Variants in KCNQ3 observed in about 807,000 individuals in gnomAD.
KCNQ3 encodes the protein potassium voltage-gated channel subfamily Q member 3.
KCNQ3 carries 30 observed loss-of-function variants against 92.5 expected under a neutral mutation model. The observed-to-expected ratio is 0.32, with a 90% CI of 0.24 to 0.44. The LOEUF (loss-of-function observed/expected upper bound fraction) is 0.44. KCNQ3 is among the 20% of genes least tolerant of loss of function. The probability of loss-of-function intolerance (pLI) is 1.00; values close to 1 mark genes in which losing one functional copy is unlikely to be tolerated. For synonymous variants in KCNQ3, 450 were observed against 468.8 expected (o/e 0.96, Z 0.52); for missense variants, 913 against 1,140.3 (o/e 0.80, Z 2.87).
At chr8:132,239,591 C>T (rs928904418) in intron 1 of KCNQ3, among the ~76,000 whole-genome samples, 7 of 152,194 alleles carry the variant, frequency 4.6e-5, no homozygotes, top group African/African-American at 9.7e-5. Context: ...TGGAAGATCA[C>T]GCCCATGCTG....
intron 1 of KCNQ3, among the ~76,000 whole-genome samples, chr8:132,319,233 G>T (rs1003938922): frequency 5.9e-5 from 9 of 152,034 alleles, no homozygotes; most frequent in Non-Finnish European, 1.3e-4. Flanking sequence ...AAATATTTTG[G>T]GGGCAAACTG....
At chr8:132,450,216 CTGCTGATTGGTCCATTTTACAGAG>C (rs1005279135) in intron 1 of KCNQ3, among the ~76,000 whole-genome samples, 8 of 152,244 alleles carry the variant, frequency 5.3e-5, no homozygotes, top group East Asian at 1.9e-4. Context: ...CACCCATGTC[CTGCTGATTGGTCCATTTTACAGAG>C]TGCTGATTGG....
At chr8:132,436,953 A>C (rs1255891024) in intron 1 of KCNQ3, among the ~76,000 whole-genome samples, 1 of 152,076 alleles carries the variant, frequency 6.6e-6, no homozygotes, top group East Asian at 1.9e-4. Flanking sequence ...CAGGAGTTGG[A>C]CTAATCTTTT....
At chr8:132,218,868 C>T (rs933186601) in intron 1 of KCNQ3, among the ~76,000 whole-genome samples, 1 of 152,196 alleles carries the variant, frequency 6.6e-6, no homozygotes, top group Non-Finnish European at 1.5e-5. Context: ...GAGGCCCAGT[C>T]TCCCTTCCTC....
intron 1 of KCNQ3, among the ~76,000 whole-genome samples, chr8:132,393,339 C>T (rs1279529842): frequency 1.3e-5 from 2 of 152,218 alleles, no homozygotes; most frequent in South Asian, 2.1e-4. Flanking sequence ...GATTGGCAAA[C>T]TTCTCATAGA....
chr8:132,122,761 G>T lies in KCNQ3; in HGVS notation c.*6501C>A, dbSNP rs1166030249. On this transcript the variant is annotated 3_prime_UTR_variant, in exon 15 of 15. Transcript: ENST00000388996. ...ACATCCTACCACAGGGATTCACAAG[G>T]ACTGCTGGGGAGCCCTGCCAAATTC... The T allele has an allele frequency of 6.6e-6, 1 of 152,190 alleles. No homozygotes were observed. The highest frequency in any genetic ancestry group is 1.5e-5 in the Non-Finnish European group (1 of 68,046). The allele number at this position is 152,190 out of a possible 1,614,324, so 9.4% of individuals were successfully genotyped here.
At chr8:132,396,365 T>C (rs911017038) in intron 1 of KCNQ3, among the ~76,000 whole-genome samples, 3 of 147,816 alleles carry the variant, frequency 2.0e-5, no homozygotes, top group African/African-American at 5.0e-5. Context: ...CTTCCACTTA[T>C]ACTGCAAAGA....
chr8:132,180,348 A>G lies in KCNQ3; in HGVS notation c.605-19T>C. The stretch of plus-strand genomic sequence containing the variant: ...AAGATGTCTGGGAGAGAGGACAGAC[A>G]GAGTGGGAGGGAAGAGGGAAAGGAA... On this transcript the variant is annotated intron_variant, in intron 3 of 14. Transcript: ENST00000388996. 3 of 1,613,500 alleles carry G rather than the reference A, an allele frequency of 1.9e-6. No homozygotes were observed. The highest frequency in any genetic ancestry group is 2.5e-6 in the Non-Finnish European group (3 of 1,179,986).
At chr8:132,323,001 T>C (rs1817936776) in intron 1 of KCNQ3, among the ~76,000 whole-genome samples, 1 of 152,176 alleles carries the variant, frequency 6.6e-6, no homozygotes, top group Admixed American at 6.5e-5. Flanking sequence ...GCAGTGCTTA[T>C]GTCTGCAAGA....
intron 6 of KCNQ3, among the ~76,000 whole-genome samples, chr8:132,173,306 C>A (rs1443116698): frequency 1.3e-5 from 2 of 152,030 alleles, no homozygotes; most frequent in African/African-American, 4.8e-5. Flanking sequence ...AATGAGAAAA[C>A]TGAGATTTAA....
At chr8:132,392,862 T>A (rs941914883) in intron 1 of KCNQ3, among the ~76,000 whole-genome samples, 3 of 148,576 alleles carry the variant, frequency 2.0e-5, no homozygotes, top group African/African-American at 7.4e-5. Flanking sequence ...TCTTACCATA[T>A]CATATTTTAG....
At chr8:132,260,767 C>T (rs565300402) in intron 1 of KCNQ3, among the ~76,000 whole-genome samples, 4 of 152,202 alleles carry the variant, frequency 2.6e-5, no homozygotes, top group Non-Finnish European at 5.9e-5. Context: ...TCCATCCATC[C>T]ATCCATCCAT....
intron 1 of KCNQ3, among the ~76,000 whole-genome samples, chr8:132,319,831 A>G (rs976470345): frequency 3.3e-5 from 5 of 152,218 alleles, no homozygotes; most frequent in African/African-American, 1.2e-4. Flanking sequence ...TGGGGCCTGA[A>G]GCCTATTCAG....
intron 1 of KCNQ3, among the ~76,000 whole-genome samples, chr8:132,303,594 T>TAC (rs1453455997): frequency 4.6e-5 from 2 of 43,566 alleles, no homozygotes; most frequent in Non-Finnish European, 4.1e-5. Flanking sequence ...TGTGTGTATA[T>TAC]ATATATGGTG....
chr8:132,471,055 T>C (rs1301286950), intron 1 of KCNQ3, among the ~76,000 whole-genome samples: 1 of 152,230 alleles, frequency 6.6e-6, no homozygotes, highest in Non-Finnish European at 1.5e-5. Context: ...TTCTCTCTTA[T>C]GGTACCTTTT....
At chr8:132,261,169 TGGCATTGAGAAAAGTAG>T (rs1303673506) in intron 1 of KCNQ3, among the ~76,000 whole-genome samples, 1 of 152,184 alleles carries the variant, frequency 6.6e-6, no homozygotes, top group Non-Finnish European at 1.5e-5. Flanking sequence ...GCTCTCTATC[TGGCATTGAGAAAAGTAG>T]GGCATTGGGT....
In KCNQ3 at chr8:132,125,494, C is replaced by T. The variant is rs1824636184; in HGVS notation, c.*3768G>A. On this transcript the variant is annotated 3_prime_UTR_variant, in exon 15 of 15. Transcript: ENST00000388996. ...TTCTTATCTCTGAACTTCCAGTGCA[C>T]TGCAAAGTTCTGGGCATATATTGGT... 1 of 152,180 alleles carries T rather than the reference C, an allele frequency of 6.6e-6. No individual in the cohort carries two copies. Among genetic ancestry groups the T allele is most frequent in the African/African-American group, 2.4e-5 (1 of 41,428 alleles). The allele number at this position is 152,180 out of a possible 1,614,324, so 9.4% of individuals were successfully genotyped here.
intron 1 of KCNQ3, among the ~76,000 whole-genome samples, chr8:132,400,756 A>T (rs1418971618): frequency 6.6e-6 from 1 of 152,266 alleles, no homozygotes; most frequent in Non-Finnish European, 1.5e-5. Flanking sequence ...GAGGCCCTCC[A>T]GCAGTCTGGG....
intron 1 of KCNQ3, among the ~76,000 whole-genome samples, chr8:132,310,318 A>G (rs1158455508): frequency 6.6e-6 from 1 of 152,194 alleles, no homozygotes; most frequent in Non-Finnish European, 1.5e-5. Flanking sequence ...TCCATGTAAC[A>G]TAAAGATCCC....
Sources: gnomAD v4.1 joint callset for allele counts (sites outside exome capture counted in the v4.1 genomes callset) on GRCh38, gnomAD v4.1.1 for gene constraint, MANE v1.5 for transcripts, NCBI Gene and HGNC (gene_info 2026-07-23, HGNC 2026-07-21) for gene names.